DLG1: variants seen among roughly 807,000 people sequenced by gnomAD.
The protein encoded by DLG1 is disks large homolog 1.
DLG1 carries 42 observed loss-of-function variants against 123.4 expected under a neutral mutation model. The ratio of observed to expected loss-of-function variants is 0.34; its 90% CI spans 0.27 to 0.44. DLG1 has a LOEUF of 0.44. Among genes scored for constraint, DLG1 ranks in the 20% least tolerant of loss-of-function variants. The probability of loss-of-function intolerance (pLI) is 1.00; values close to 1 mark genes in which losing one functional copy is unlikely to be tolerated. For missense variants in DLG1, 942 were observed against 1,082.6 expected, an observed-to-expected ratio of 0.87 and a Z score of 1.82; for synonymous variants, 317 against 356.2, an observed-to-expected ratio of 0.89 and a Z score of 1.24.
intron 5 of DLG1, among the ~76,000 whole-genome samples, chr3:197,173,002 C>A (rs953166300): frequency 6.6e-6 from 1 of 152,110 alleles, no homozygotes; most frequent in African/African-American, 2.4e-5. Context: ...AGCTTGGGTC[C>A]TTTGTTCCCC....
chr3:197,145,922 G>A (rs1790535867), intron 6 of DLG1, among the ~76,000 whole-genome samples: 2 of 151,818 alleles, frequency 1.3e-5, no homozygotes, highest in African/African-American at 4.8e-5. Context: ...CCCAGGAGGC[G>A]GAGGTTGCAG....
chr3:197,221,424 G>A (rs904237660), intron 4 of DLG1, among the ~76,000 whole-genome samples: 5 of 152,012 alleles, frequency 3.3e-5, no homozygotes, highest in African/African-American at 1.2e-4. Context: ...GGAGGCTGAC[G>A]TGGGAAAATC....
chr3:197,253,573 C>G (rs765539488), intron 4 of DLG1, among the ~76,000 whole-genome samples: 1 of 152,128 alleles, frequency 6.6e-6, no homozygotes, highest in Non-Finnish European at 1.5e-5. Flanking sequence ...AAATTATGCT[C>G]AGTGAAAAAA....
intron 3 of DLG1, among the ~76,000 whole-genome samples, chr3:197,294,389 G>A (rs948088101): frequency 4.4e-4 from 48 of 108,514 alleles, no homozygotes; most frequent in African/African-American, 1.4e-3. Flanking sequence ...GCTCACGCCT[G>A]TAATCCCAAC....
chr3:197,228,635 C>A (rs1190243953), intron 4 of DLG1, among the ~76,000 whole-genome samples: 1 of 151,972 alleles, frequency 6.6e-6, no homozygotes, highest in East Asian at 1.9e-4. Context: ...TTGGGACCTA[C>A]CAGGAAAAAT....
At chr3:197,088,710 G>A (rs1262475744) in intron 15 of DLG1, among the ~76,000 whole-genome samples, 2 of 152,190 alleles carry the variant, frequency 1.3e-5, no homozygotes, top group African/African-American at 4.8e-5. Context: ...GACCGTATGT[G>A]TGACCATATG....
chr3:197,247,236 C>T (rs543808108), intron 4 of DLG1, among the ~76,000 whole-genome samples: 11 of 152,242 alleles, frequency 7.2e-5, no homozygotes, highest in South Asian at 2.1e-4. Flanking sequence ...TTTTATCTCA[C>T]GCTGGAGCCT....
chr3:197,224,133 C>A (rs1561541574), intron 4 of DLG1, among the ~76,000 whole-genome samples: 1 of 152,014 alleles, frequency 6.6e-6, no homozygotes, highest in Non-Finnish European at 1.5e-5. Context: ...AGTTATGTGA[C>A]ATTTTCAATA....
At chr3:197,107,318 G>A (rs903742890) in intron 13 of DLG1, among the ~76,000 whole-genome samples, 3 of 152,182 alleles carry the variant, frequency 2.0e-5, no homozygotes, top group Non-Finnish European at 4.4e-5. Context: ...GCCAAGGCAG[G>A]CAGATCACGA....
At chr3:197,195,812 G>A (rs1167369292) in intron 4 of DLG1, among the ~76,000 whole-genome samples, 4 of 102,832 alleles carry the variant, frequency 3.9e-5, no homozygotes, top group Non-Finnish European at 6.3e-5. Flanking sequence ...TCATTCCTAC[G>A]CCAAGCCTCA....
intron 14 of DLG1, among the ~76,000 whole-genome samples, chr3:197,103,078 A>G (rs1232028934): frequency 3.3e-5 from 5 of 152,194 alleles, no homozygotes; most frequent in African/African-American, 1.2e-4. Flanking sequence ...GAAATTTTAT[A>G]CCATATCCTA....
At position 197,121,609 on chromosome 3, in the gene DLG1, T is replaced by C. The variant is rs143162144; in HGVS notation, c.1166-2079A>G. ...TTCCTACTTTTATTCCTGAGTATCA[T>C]ATTTTGACTACCTTATTTTGGTTAT... On this transcript the variant is annotated intron_variant, in intron 11 of 24. Transcript: ENST00000667157. 1.7e-3 allele frequency among the ~76,000 whole-genome samples: 257 copies of C among 152,188 alleles called. 2 individuals are homozygous for C. Among genetic ancestry groups the C allele is most frequent in the African/African-American group, 5.3e-3 (219 of 41,574 alleles).
chr3:197,204,697 T>TAAC (rs751200168), intron 4 of DLG1, among the ~76,000 whole-genome samples: 3 of 152,188 alleles, frequency 2.0e-5, no homozygotes, highest in Non-Finnish European at 4.4e-5. Flanking sequence ...CAATGCAGTG[T>TAAC]AACAACTATT....
At chr3:197,118,477 A>C (rs1215380949) in intron 12 of DLG1, among the ~76,000 whole-genome samples, 1 of 152,188 alleles carries the variant, frequency 6.6e-6, no homozygotes, top group Non-Finnish European at 1.5e-5. Context: ...GAAAAGAGAC[A>C]AACACTCCTA....
At chr3:197,271,968 A>C (rs1284833162) in intron 4 of DLG1, among the ~76,000 whole-genome samples, 1 of 152,216 alleles carries the variant, frequency 6.6e-6, no homozygotes, top group African/African-American at 2.4e-5. Context: ...CACACACCTC[A>C]GACATCTACC....
At chr3:197,227,937 T>C (rs773513306) in intron 4 of DLG1, among the ~76,000 whole-genome samples, 2 of 152,232 alleles carry the variant, frequency 1.3e-5, no homozygotes, top group African/African-American at 4.8e-5. Context: ...TAAACTGTGC[T>C]CCTTAGAAGC....
intron 6 of DLG1, among the ~76,000 whole-genome samples, chr3:197,144,697 C>G (rs948689912): frequency 6.6e-6 from 1 of 152,176 alleles, no homozygotes; most frequent in African/African-American, 2.4e-5. Context: ...TGAAGCCCAT[C>G]TCTACTACCC....
At chr3:197,079,655 G>A (rs969716277) in intron 17 of DLG1, among the ~76,000 whole-genome samples, 3 of 152,082 alleles carry the variant, frequency 2.0e-5, no homozygotes, top group Non-Finnish European at 2.9e-5. Context: ...CATAAAACAA[G>A]CATTAAAAAA....
rs11359811 is a variant in DLG1 at position 197,093,563 on chromosome 3, C to CTT, written c.1547-2539_1547-2538dup. Among the ~76,000 whole-genome samples the CTT allele has an allele frequency of 1.6e-3, 239 of 146,460 alleles. 1 individual carries two copies. The highest frequency in any genetic ancestry group is 6.5e-3 in the East Asian group (33 of 5,056). ...ACAATATAGAAAGATGTCATCCACGCTTTTTTTTTTTTTTACAGCAATATG... is the reference window on the plus strand; with the variant it reads ...ACAATATAGAAAGATGTCATCCACGCTTTTTTTTTTTTTTTTACAGCAATATG... On this transcript the variant is annotated intron_variant, in intron 14 of 24. Coordinates refer to ENST00000667157, the MANE Select transcript of DLG1 (RefSeq NM_001366207.1).
Sources: gnomAD v4.1 joint callset for allele counts (sites outside exome capture counted in the v4.1 genomes callset) on GRCh38, gnomAD v4.1.1 for gene constraint, MANE v1.5 for transcripts, NCBI Gene and HGNC (gene_info 2026-07-23, HGNC 2026-07-21) for gene names.